Variants in YEATS4 observed in about 807,000 individuals in gnomAD.
YEATS4 encodes the protein YEATS domain-containing protein 4.
A neutral mutation model predicts 30.1 loss-of-function variants in YEATS4; 17 were observed. The ratio of observed to expected loss-of-function variants is 0.56; its 90% CI spans 0.39 to 0.85. The LOEUF (loss-of-function observed/expected upper bound fraction) is 0.85, where lower values mean the gene tolerates loss of function less well. Ranked by LOEUF, YEATS4 falls within the 40% of genes least tolerant of loss-of-function variation. The probability of loss-of-function intolerance (pLI) is 0.00; values close to 1 mark genes in which losing one functional copy is unlikely to be tolerated. For missense variants in YEATS4, 142 were observed against 268.3 expected, an observed-to-expected ratio of 0.53 and a Z score of 3.29; for synonymous variants, 85 against 87.5, an observed-to-expected ratio of 0.97 and a Z score of 0.16.
chr12:69,417,433 T>C, the YEATS4 span, among the ~76,000 whole-genome samples: 1 of 152,094 alleles, frequency 6.6e-6, no homozygotes. Flanking sequence ...GTGCTGGGAT[T>C]ACACATGTGA....
At chr12:69,376,424 TCTG>T (rs1875877035) in intron 6 of YEATS4, among the ~76,000 whole-genome samples, 2 of 152,236 alleles carry the variant, frequency 1.3e-5, no homozygotes, top group Admixed American at 6.5e-5. Context: ...TAATTTGACT[TCTG>T]CTGAATTTTA....
chr12:69,397,296 A>C, the YEATS4 span, among the ~76,000 whole-genome samples: 2 of 152,206 alleles, frequency 1.3e-5, no homozygotes, highest in Non-Finnish European at 2.9e-5. Context: ...TTTTGAAGAT[A>C]GTGTCAAAGA....
chr12:69,383,648 GTAAGATGAGGGCC>G (rs1876165298), intron 6 of YEATS4, among the ~76,000 whole-genome samples: 1 of 152,226 alleles, frequency 6.6e-6, no homozygotes, highest in Non-Finnish European at 1.5e-5. Context: ...GATAGGTCAA[GTAAGATGAGGGCC>G]CAGTAATTGG....
intron 4 of YEATS4, among the ~76,000 whole-genome samples, chr12:69,367,265 C>T (rs2120929160): frequency 6.6e-6 from 1 of 152,260 alleles, no homozygotes; most frequent in Admixed American, 6.5e-5. Flanking sequence ...ATCCATAGCT[C>T]ATTTAAACAT....
intron 6 of YEATS4, among the ~76,000 whole-genome samples, chr12:69,386,760 C>A (rs1385175022): frequency 2.0e-5 from 3 of 152,136 alleles, no homozygotes; most frequent in African/African-American, 7.2e-5. Context: ...TGACTAGTTT[C>A]TTAACATACA....
chr12:69,378,141 G>A (rs1439430781), intron 6 of YEATS4, among the ~76,000 whole-genome samples: 1 of 152,092 alleles, frequency 6.6e-6, no homozygotes, highest in African/African-American at 2.4e-5. Flanking sequence ...CTGTTTGTCT[G>A]ATGTCAGTAT....
chr12:69,390,059 G>T (rs1284605855), intron 6 of YEATS4, 88 bp from the exon 7 acceptor site: 6 of 1,056,674 alleles, frequency 5.7e-6, no homozygotes, highest in Non-Finnish European at 7.8e-6. Flanking sequence ...TGGAAACATT[G>T]TCGTCAGGAA....
the YEATS4 span, among the ~76,000 whole-genome samples, chr12:69,402,687 A>C: frequency 7.3e-5 from 11 of 151,140 alleles, no homozygotes; most frequent in Non-Finnish European, 1.6e-4. Context: ...GTATCACAAA[A>C]TATTTTCCTT....
the YEATS4 span, among the ~76,000 whole-genome samples, chr12:69,405,611 C>T: frequency 2.0e-5 from 3 of 152,102 alleles, no homozygotes; most frequent in African/African-American, 4.8e-5. Context: ...TGTGATACTA[C>T]GACAGTGAAT....
At position 69,365,068 on chromosome 12, in the gene YEATS4, C is replaced by CA. The variant is rs1049439676; in HGVS notation, c.172-556dup. Among the ~76,000 whole-genome samples, 38 of 150,036 alleles carry CA rather than the reference C, an allele frequency of 2.5e-4. No homozygotes were observed. In the East Asian group the frequency reaches 3.5e-3, roughly 14 times the overall value. On this transcript the variant is annotated intron_variant, in intron 2 of 6. Transcript: ENST00000247843. ...AGAGGTGTATTAAAACAAGATTTGC[C>CA]AAAAAAAAAGTTAATTTGGGACGTG...
intron 4 of YEATS4, 61 bp downstream of exon 4, chr12:69,365,945 TA>T: frequency 8.2e-7 from 1 of 1,217,946 alleles, no homozygotes; most frequent in Non-Finnish European, 1.2e-6. Flanking sequence ...GAACATGTAA[TA>T]ATACTTAATG....
chr12:69,417,149 TA>T, the YEATS4 span, among the ~76,000 whole-genome samples: 2,797 of 128,844 alleles, frequency 0.022, 56 homozygotes, highest in African/African-American at 0.034. Flanking sequence ...AAACATTTTT[TA>T]AAAATTTTTT....
chr12:69,373,229 T>TG (rs1875713422), intron 6 of YEATS4, among the ~76,000 whole-genome samples: 1 of 152,236 alleles, frequency 6.6e-6, no homozygotes, highest in Non-Finnish European at 1.5e-5. Context: ...TTGGCCATAG[T>TG]GGTTTTACTA....
At chr12:69,367,146 T>A (rs1392388135) in intron 4 of YEATS4, among the ~76,000 whole-genome samples, 3 of 152,224 alleles carry the variant, frequency 2.0e-5, no homozygotes, top group Non-Finnish European at 4.4e-5. Context: ...AAACATCCTA[T>A]TCAAGGTTGG....
chr12:69,360,034 G>T lies in YEATS4; in HGVS notation c.51+11G>T, dbSNP rs1875124063. On this transcript the variant is annotated intron_variant, in intron 1 of 6. Coordinates refer to ENST00000247843, the MANE Select transcript of YEATS4 (RefSeq NM_006530.4). ...GGCGGGAGAGTAAAGGTCAGTGCCC[G>T]GACCGCCCCTCTTCCGGGGTGGCTC... 2 of 1,612,276 alleles carry T rather than the reference G, an allele frequency of 1.2e-6. No individual in the cohort carries two copies. The highest frequency in any genetic ancestry group is 8.5e-7 in the Non-Finnish European group (1 of 1,179,120).
the YEATS4 span, among the ~76,000 whole-genome samples, chr12:69,421,474 T>TA: frequency 2.0e-5 from 3 of 152,102 alleles, no homozygotes; most frequent in African/African-American, 7.2e-5. Context: ...ATGTATACCT[T>TA]AAAAAAATGG....
At chr12:69,419,057 T>G in the YEATS4 span, among the ~76,000 whole-genome samples, 2 of 149,234 alleles carry the variant, frequency 1.3e-5, no homozygotes, top group Non-Finnish European at 3.0e-5. Flanking sequence ...TAAAATTTAC[T>G]TTAGTCATTT....
At chr12:69,422,390 C>G in the YEATS4 span, among the ~76,000 whole-genome samples, 1 of 152,014 alleles carries the variant, frequency 6.6e-6, no homozygotes, top group Non-Finnish European at 1.5e-5. Context: ...CCAGCACTTT[C>G]AGAGGCTGAG....
chr12:69,365,453 GAAA>G (rs201603040), intron 2 of YEATS4, among the ~76,000 whole-genome samples, 177 bp from the exon 3 acceptor site: 2 of 105,728 alleles, frequency 1.9e-5, no homozygotes, highest in Admixed American at 9.9e-5. Context: ...TCCATCTCAG[GAAA>G]AAAAAAAAAA....
Sources: allele counts gnomAD v4.1 joint callset (sites outside exome capture counted in the v4.1 genomes callset), GRCh38; gene constraint gnomAD v4.1.1; transcripts MANE v1.5; gene names NCBI Gene and HGNC (gene_info 2026-07-23, HGNC 2026-07-21).